TMEM238L: variants seen among roughly 807,000 people sequenced by gnomAD.
TMEM238L encodes transmembrane protein 238-like.
At chr17:10,801,773 C>G (rs1050389244) in intron 1 of TMEM238L, among the ~76,000 whole-genome samples, 1 of 151,600 alleles carries the variant, frequency 6.6e-6, no homozygotes, top group Non-Finnish European at 1.5e-5. Context: ...AGAGCCCCCA[C>G]GTCATGTGTC....
chr17:10,795,763 G>A (rs1904522215), exon 2 of TMEM238L: 1 of 152,300 alleles, frequency 6.6e-6, no homozygotes, highest in Admixed American at 6.5e-5. Flanking sequence ...CTGGTGCAGG[G>A]ATGCTGGGCT....
chr17:10,801,053 G>GTT lies in TMEM238L; in HGVS notation c.*118+2551_*118+2552dup, dbSNP rs34698731. Among the ~76,000 whole-genome samples, 31 of 141,238 alleles carry GTT rather than the reference G, an allele frequency of 2.2e-4. No individual in the cohort carries two copies. In the South Asian group the frequency reaches 2.3e-3, roughly 10 times the overall value. 92.7% of individuals were successfully genotyped at this position (141,238 alleles called of 152,430 possible). On this transcript the variant is annotated intron_variant, in intron 1 of 1. Coordinates refer to ENST00000581851, the Ensembl canonical transcript of TMEM238L. ...TCTCTTCAATGGATTCCTTTTTACT[G>GTT]TTTTTTTTTTTTTTTGAGACGGAGT...
intron 1 of TMEM238L, among the ~76,000 whole-genome samples, chr17:10,801,799 T>C (rs999392959): frequency 7.2e-5 from 11 of 152,020 alleles, no homozygotes; most frequent in African/African-American, 2.4e-4. Context: ...TTTTTTTTAA[T>C]TGAGACAGGT....
At position 10,804,076 on chromosome 17, in the gene TMEM238L, C is replaced by G. The variant is rs1029551246; in HGVS notation, c.-113G>C. 2.0e-5 allele frequency: 8 copies of G among 399,998 alleles called. No homozygotes were observed. The East Asian group carries it at 2.8e-4, about 14-fold the overall frequency. 24.8% of individuals were successfully genotyped at this position (399,998 alleles called of 1,614,324 possible). On this transcript the variant is annotated 5_prime_UTR_variant, in exon 1 of 2. Transcript: ENST00000581851. ...TGCCTGCTGGGTGTGAGCAAATGAGCGAGCTGGCGCTTCTTGGAGCCACAG... is the reference window on the plus strand; with the variant it reads ...TGCCTGCTGGGTGTGAGCAAATGAGGGAGCTGGCGCTTCTTGGAGCCACAG...
At chr17:10,798,537 C>A (rs1286572696) in intron 1 of TMEM238L, among the ~76,000 whole-genome samples, 1 of 152,098 alleles carries the variant, frequency 6.6e-6, no homozygotes, top group Non-Finnish European at 1.5e-5. Flanking sequence ...AGTGGAGGAA[C>A]AAGTTTCATT....
chr17:10,795,407 G>A (rs1227907761), exon 2 of TMEM238L: 2 of 152,250 alleles, frequency 1.3e-5, no homozygotes, highest in African/African-American at 4.8e-5. Context: ...CTGGCTGTAC[G>A]TTCACATTTG....
At chr17:10,797,525 C>T (rs1335931717) in intron 1 of TMEM238L, among the ~76,000 whole-genome samples, 1 of 151,976 alleles carries the variant, frequency 6.6e-6, no homozygotes, top group Non-Finnish European at 1.5e-5. Context: ...GATCTTTCTT[C>T]TGAGTTTAAA....
intron 1 of TMEM238L, among the ~76,000 whole-genome samples, chr17:10,800,597 C>A: frequency 6.6e-6 from 1 of 152,288 alleles, no homozygotes; most frequent in Middle Eastern, 3.4e-3. Flanking sequence ...TCGTGACTGA[C>A]GCTTTATTTA....
chr17:10,799,638 A>G (rs1221630850), intron 1 of TMEM238L, among the ~76,000 whole-genome samples: 1 of 152,214 alleles, frequency 6.6e-6, no homozygotes, highest in Non-Finnish European at 1.5e-5. Flanking sequence ...CTGCCCGTAA[A>G]TCGTGAATGT....
At chr17:10,803,281 G>A (rs1181169734) in intron 1 of TMEM238L, among the ~76,000 whole-genome samples, 1 of 152,184 alleles carries the variant, frequency 6.6e-6, no homozygotes, top group Non-Finnish European at 1.5e-5. Flanking sequence ...TGCAGATGGG[G>A]TCTTTTTGTC....
intron 1 of TMEM238L, among the ~76,000 whole-genome samples, chr17:10,799,772 T>C (rs973577022): frequency 9.2e-5 from 14 of 152,178 alleles, no homozygotes; most frequent in African/African-American, 3.4e-4. Flanking sequence ...CAGTTTAATG[T>C]GCAAAGCTGC....
At chr17:10,799,412 G>A (rs560935402) in intron 1 of TMEM238L, among the ~76,000 whole-genome samples, 68 of 152,270 alleles carry the variant, frequency 4.5e-4, no homozygotes, top group African/African-American at 1.6e-3. Context: ...TGGCCAGGCT[G>A]GTCTCCAACT....
chr17:10,799,373 T>C (rs990207344), intron 1 of TMEM238L, among the ~76,000 whole-genome samples: 1 of 152,172 alleles, frequency 6.6e-6, no homozygotes, highest in Non-Finnish European at 1.5e-5. Flanking sequence ...ATTTTTTGTA[T>C]TTTTAGTAGA....
chr17:10,796,210 T>A (rs1904538136), intron 1 of TMEM238L, among the ~76,000 whole-genome samples: 2 of 152,224 alleles, frequency 1.3e-5, no homozygotes. Context: ...AATAAGTGAT[T>A]GGCTTAATAA....
chr17:10,799,254 G>A (rs751980575), intron 1 of TMEM238L, among the ~76,000 whole-genome samples: 10 of 152,324 alleles, frequency 6.6e-5, no homozygotes, highest in Non-Finnish European at 1.2e-4. Flanking sequence ...CTGGAGTGCA[G>A]TGGCACGATC....
At chr17:10,794,955 A>G (rs1315182088) in exon 2 of TMEM238L, 1 of 152,182 alleles carries the variant, frequency 6.6e-6, no homozygotes, top group Admixed American at 6.5e-5. Context: ...TATTTAGGTA[A>G]CCACCTCATA....
chr17:10,799,868 C>A lies in TMEM238L; in HGVS notation c.*118+3738G>T, dbSNP rs531200166. Reference sequence around the variant, plus strand: ...CTGTCCCCTCACTCTGCCCCTCACCCCAGGCCCAATTCCCTTCCAGGGACA... The same window carrying A: ...CTGTCCCCTCACTCTGCCCCTCACCACAGGCCCAATTCCCTTCCAGGGACA... On this transcript the variant is annotated intron_variant, in intron 1 of 1. Transcript: ENST00000581851. Among the ~76,000 whole-genome samples, 10 of 152,148 alleles carry A rather than the reference C, an allele frequency of 6.6e-5. 1 individual carries two copies. The South Asian group carries it at 2.1e-3, about 32-fold the overall frequency.
At chr17:10,796,504 C>A (rs984289135) in intron 1 of TMEM238L, among the ~76,000 whole-genome samples, 2 of 152,216 alleles carry the variant, frequency 1.3e-5, no homozygotes, top group Admixed American at 6.5e-5. Context: ...ATCTCATCAC[C>A]AAATACTTTG....
chr17:10,795,496 C>G (rs945522118), exon 2 of TMEM238L: 1 of 152,256 alleles, frequency 6.6e-6, no homozygotes, highest in Non-Finnish European at 1.5e-5. Flanking sequence ...CCTCCAGGAG[C>G]TCACACAGTC....
Sources: gnomAD v4.1 joint callset for allele counts (sites outside exome capture counted in the v4.1 genomes callset) on GRCh38, gnomAD v4.1.1 for gene constraint, MANE v1.5 for transcripts, NCBI Gene and HGNC (gene_info 2026-07-23, HGNC 2026-07-21) for gene names.